The following PKHD1 variants were observed in gnomAD, a reference collection of about 807,000 sequenced individuals.
The protein encoded by PKHD1 is fibrocystin.
In PKHD1, 291 loss-of-function variants were observed where a neutral mutation model predicts 412.0. The observed-to-expected ratio is 0.71, with a 90% CI of 0.64 to 0.78. The LOEUF (loss-of-function observed/expected upper bound fraction) is 0.78. Among genes scored for constraint, PKHD1 ranks in the 30% least tolerant of loss-of-function variants. PKHD1 has a pLI of 0.00. For synonymous variants in PKHD1, 1,777 were observed against 1,821.5 expected (o/e 0.98, Z 0.62); for missense variants, 4,825 against 4,950.7 (o/e 0.97, Z 0.76).
At chr6:51,807,454 A>T (rs959264256) in intron 52 of PKHD1, among the ~76,000 whole-genome samples, 7,567 of 48,532 alleles carry the variant, frequency 0.16, 559 homozygotes, top group African/African-American at 0.17. Context: ...AAAAAAAAAA[A>T]AAAAATATAT....
rs551693104 is a variant in PKHD1 at position 52,049,580 on chromosome 6, C to T, written c.2279+577G>A. On this transcript the variant is annotated intron_variant, in intron 22 of 66. Coordinates refer to ENST00000371117, the MANE Select transcript of PKHD1 (RefSeq NM_138694.4). ...AATTAAAAGAACAAATTAGAGTATACATGTGTTCCAGAAGCTTAGAAGAAG... is the reference window on the plus strand; with the variant it reads ...AATTAAAAGAACAAATTAGAGTATATATGTGTTCCAGAAGCTTAGAAGAAG... Among the ~76,000 whole-genome samples, 46 of 152,292 alleles carry T rather than the reference C, an allele frequency of 3.0e-4. 1 individual carries two copies. In the South Asian group the frequency reaches 9.3e-3, roughly 31 times the overall value.
intron 43 of PKHD1, among the ~76,000 whole-genome samples, chr6:51,900,816 A>G (rs944662727): frequency 2.0e-5 from 3 of 152,070 alleles, no homozygotes; most frequent in Non-Finnish European, 4.4e-5. Context: ...AACTCAAACA[A>G]ATTTACAAGA....
chr6:51,826,177 G>A (rs1408561140), intron 52 of PKHD1, among the ~76,000 whole-genome samples: 1 of 152,114 alleles, frequency 6.6e-6, no homozygotes, highest in African/African-American at 2.4e-5. Context: ...AATTTAACAA[G>A]GAGGTGCATT....
chr6:52,065,130 TA>T, intron 12 of PKHD1, 80 bp from the exon 13 acceptor site: 1 of 247,980 alleles, frequency 4.0e-6, no homozygotes. Context: ...GGTATATGTA[TA>T]ATTATATATA....
intron 55 of PKHD1, among the ~76,000 whole-genome samples, chr6:51,770,780 T>A (rs1048306924): frequency 1.3e-5 from 2 of 152,116 alleles, no homozygotes; most frequent in African/African-American, 4.8e-5. Context: ...CAGATTTTTA[T>A]CTGATAATTT....
intron 48 of PKHD1, among the ~76,000 whole-genome samples, chr6:51,859,819 T>C (rs750213157): frequency 2.6e-5 from 4 of 152,196 alleles, no homozygotes; most frequent in Non-Finnish European, 2.9e-5. Flanking sequence ...CCTCTTCAAA[T>C]AGTGTCAAAC....
At chr6:51,774,944 A>G (rs1487274154) in intron 54 of PKHD1, among the ~76,000 whole-genome samples, 1 of 151,766 alleles carries the variant, frequency 6.6e-6, no homozygotes, top group Non-Finnish European at 1.5e-5. Context: ...AATAGTTGAA[A>G]TAAGTTCACT....
At chr6:51,793,725 A>G (rs1284425017) in intron 52 of PKHD1, among the ~76,000 whole-genome samples, 1 of 152,214 alleles carries the variant, frequency 6.6e-6, no homozygotes, top group Non-Finnish European at 1.5e-5. Context: ...ATGGCTGCAT[A>G]GTATTCCATT....
chr6:51,742,799 C>T (rs922417389), intron 60 of PKHD1, among the ~76,000 whole-genome samples: 1 of 152,078 alleles, frequency 6.6e-6, no homozygotes, highest in African/African-American at 2.4e-5. Flanking sequence ...AGTACCACGA[C>T]TCTAACAAAC....
intron 37 of PKHD1, among the ~76,000 whole-genome samples, chr6:51,921,180 G>A (rs1409761335): frequency 6.6e-6 from 1 of 152,030 alleles, no homozygotes; most frequent in Non-Finnish European, 1.5e-5. Flanking sequence ...GAATGTGTTT[G>A]CTGTTGCTTC....
intron 37 of PKHD1, among the ~76,000 whole-genome samples, chr6:51,929,085 G>T (rs577074333): frequency 6.6e-6 from 1 of 152,110 alleles, no homozygotes; most frequent in Admixed American, 6.5e-5. Context: ...AAGGAAAGGG[G>T]CAAGAGGAGA....
At position 51,623,648 on chromosome 6, in the gene PKHD1, A is replaced by T. The variant is rs559015089; in HGVS notation, c.11785+3349T>A. On this transcript the variant is annotated intron_variant, in intron 66 of 66. Coordinates refer to ENST00000371117, the MANE Select transcript of PKHD1 (RefSeq NM_138694.4). ...ACCCAGGCTGGAATGCAGTGGCATG[A>T]TCTTGGCCCACTGCGCCCTCCACCT... Among the ~76,000 whole-genome samples the T allele has an allele frequency of 2.0e-5, 3 of 152,092 alleles. No homozygotes were observed. The East Asian group carries it at 5.8e-4, about 29-fold the overall frequency.
intron 36 of PKHD1, among the ~76,000 whole-genome samples, chr6:51,936,606 TC>T: frequency 6.6e-6 from 1 of 152,072 alleles, no homozygotes; most frequent in Middle Eastern, 3.4e-3. Context: ...AAATTTTAAG[TC>T]CCCCAAACCA....
rs904382737 is a variant in PKHD1 at position 51,831,358 on chromosome 6, C to A, written c.8174-369G>T. The stretch of plus-strand genomic sequence containing the variant: ...CTTCCAGAATTTCTCAGAATTTTTA[C>A]ATAATTGAGATTATATCAAATCCTG... On this transcript the variant is annotated intron_variant, in intron 51 of 66. Coordinates refer to ENST00000371117, the MANE Select transcript of PKHD1 (RefSeq NM_138694.4). Among the ~76,000 whole-genome samples the A allele has an allele frequency of 8.5e-5, 13 of 152,108 alleles. 1 individual carries two copies. Among genetic ancestry groups the A allele is most frequent in the Non-Finnish European group, 1.8e-4 (12 of 68,022 alleles).
chr6:51,631,934 T>C (rs1168889462), intron 65 of PKHD1, among the ~76,000 whole-genome samples: 1 of 150,768 alleles, frequency 6.6e-6, no homozygotes, highest in Non-Finnish European at 1.5e-5. Context: ...ATTCTTTTTT[T>C]TTTTCTTTTT....
At chr6:51,992,507 G>T (rs758365033) in intron 35 of PKHD1, among the ~76,000 whole-genome samples, 2 of 152,240 alleles carry the variant, frequency 1.3e-5, no homozygotes, top group Non-Finnish European at 2.9e-5. Flanking sequence ...AAAGGGTGCA[G>T]TATGAAGATG....
chr6:52,010,074 C>A (rs1029166005), intron 35 of PKHD1, among the ~76,000 whole-genome samples: 1 of 152,118 alleles, frequency 6.6e-6, no homozygotes, highest in Middle Eastern at 3.4e-3. Flanking sequence ...ATTATCTGCT[C>A]AGAATTTGCT....
chr6:51,747,438 CT>C (rs145277108), intron 58 of PKHD1, among the ~76,000 whole-genome samples: 2,983 of 152,246 alleles, frequency 0.02, 91 homozygotes, highest in African/African-American at 0.068. Context: ...GGAGTGGTGG[CT>C]TATGCCTGTA....
chr6:52,038,161 C>G (rs1338660410), intron 27 of PKHD1, among the ~76,000 whole-genome samples: 3 of 152,092 alleles, frequency 2.0e-5, no homozygotes, highest in Non-Finnish European at 4.4e-5. Context: ...GCAGGCAGAT[C>G]ACAAGGTCAG....
Sources: gnomAD v4.1 joint callset for allele counts (sites outside exome capture counted in the v4.1 genomes callset) on GRCh38, gnomAD v4.1.1 for gene constraint, MANE v1.5 for transcripts, NCBI Gene and HGNC (gene_info 2026-07-23, HGNC 2026-07-21) for gene names.